Variants in KMT2E observed in about 807,000 individuals in gnomAD.
The protein encoded by KMT2E is histone reader KMT2E.
A neutral mutation model predicts 184.6 loss-of-function variants in KMT2E; 30 were observed. The ratio of observed to expected loss-of-function variants is 0.16; its 90% CI spans 0.12 to 0.22. The LOEUF is 0.22. KMT2E is among the 10% of genes least tolerant of loss of function. KMT2E has a pLI of 1.00. For missense variants in KMT2E, 2,023 were observed against 2,237.4 expected (o/e 0.90, Z 1.93); for synonymous variants, 815 against 776.5 (o/e 1.05, Z -0.82).
intron 12 of KMT2E, among the ~76,000 whole-genome samples, chr7:105,080,276 A>T (rs1797710594): frequency 6.6e-6 from 1 of 152,078 alleles, no homozygotes; most frequent in Admixed American, 6.5e-5. Flanking sequence ...ATTTTTAATA[A>T]TGTTATATTT....
intron 25 of KMT2E, 48 bp from the exon 26 acceptor site, chr7:105,110,723 G>A: frequency 6.3e-7 from 1 of 1,585,628 alleles, no homozygotes; most frequent in South Asian, 1.1e-5. Context: ...TTAAAACAGT[G>A]TTTATTGTGT....
At chr7:105,087,645 A>G (rs957680785) in intron 13 of KMT2E, among the ~76,000 whole-genome samples, 31 of 151,852 alleles carry the variant, frequency 2.0e-4, no homozygotes, top group African/African-American at 7.5e-4. Context: ...GCTGGTCTCC[A>G]ACTCCCGAGC....
intron 15 of KMT2E, among the ~76,000 whole-genome samples, chr7:105,091,883 T>G (rs1400655201): frequency 6.6e-6 from 1 of 152,234 alleles, no homozygotes. Context: ...CAAATTATGG[T>G]AATTTAGCAT....
chr7:105,082,826 G>A (rs1797811632), intron 13 of KMT2E, among the ~76,000 whole-genome samples: 1 of 152,134 alleles, frequency 6.6e-6, no homozygotes, highest in South Asian at 2.1e-4. Context: ...TCATAAAAAA[G>A]TAAAAAATCA....
intron 3 of KMT2E, among the ~76,000 whole-genome samples, chr7:105,055,347 C>T (rs1796536513): frequency 6.6e-6 from 1 of 150,898 alleles, no homozygotes; most frequent in Non-Finnish European, 1.5e-5. Flanking sequence ...AGCTGTTGTG[C>T]CTGGCCCTCT....
At chr7:105,069,178 T>C (rs1797179396) in intron 6 of KMT2E, among the ~76,000 whole-genome samples, 1 of 152,232 alleles carries the variant, frequency 6.6e-6, no homozygotes, top group Non-Finnish European at 1.5e-5. Context: ...GATTGGTCAC[T>C]GTTCCTAGTC....
At chr7:105,106,081 A>G in intron 19 of KMT2E, 78 bp downstream of exon 19, 1 of 1,323,472 alleles carries the variant, frequency 7.6e-7, no homozygotes, top group Admixed American at 2.2e-5. Flanking sequence ...GCATATTTCT[A>G]GTTACTGGTA....
At chr7:105,069,447 A>G (rs1797189540) in intron 6 of KMT2E, among the ~76,000 whole-genome samples, 2 of 152,224 alleles carry the variant, frequency 1.3e-5, no homozygotes, top group African/African-American at 4.8e-5. Flanking sequence ...AGCACCAACA[A>G]TATGATTGTG....
At position 105,063,446 on chromosome 7, in the gene KMT2E, T is replaced by C; in HGVS notation, c.282T>C (p.Thr94=). Residue 94 remains threonine, a synonymous_variant, in exon 5 of 27, where the codon ACT becomes ACC. Coordinates refer to ENST00000311117, the MANE Select transcript of KMT2E (RefSeq NM_182931.3). ...AAAATGAAGTAGGCATATTTACCACTCCTAATTTTGATGAAACTTCCAGTG... is the reference window on the plus strand; with the variant it reads ...AAAATGAAGTAGGCATATTTACCACCCCTAATTTTGATGAAACTTCCAGTG... The part of the protein sequence containing the change: ...ISKNEVGIFT[T]PNFDETSSAT... The C allele has an allele frequency of 6.2e-7, 1 of 1,613,844 alleles. No individual in the cohort carries two copies. The highest frequency in any genetic ancestry group is 8.5e-7 in the Non-Finnish European group (1 of 1,179,798).
rs1377466541 is a variant in KMT2E, at chr7:105,112,676, T to C, written c.4920T>C (p.Leu1640=). ...PPPPPAPGPH[L]VQQPNSHQQH... ...CACCACCTGCTCCAGGACCGCACCT[T>C]GTACAACAGCCGAATTCCCATCAGC... is the stretch of plus-strand genomic sequence containing the variant. Residue 1640 remains leucine, a synonymous_variant, in exon 27 of 27, where the codon CTT becomes CTC. Transcript: ENST00000311117. 1 of 1,613,840 alleles carries C rather than the reference T, an allele frequency of 6.2e-7. No individual in the cohort carries two copies. Among genetic ancestry groups the C allele is most frequent in the South Asian group, 1.1e-5 (1 of 91,048 alleles).
At position 105,100,065 on chromosome 7, in the gene KMT2E, T is replaced by C. The variant is rs114229597; in HGVS notation, c.1723-1360T>C. On this transcript the variant is annotated intron_variant, in intron 15 of 26. Transcript: ENST00000311117. ...AAGTAGAACCATCTTTTGCATGTGC[T>C]ATTGTAGTGTTTGCCCGTCCCAGAC... 2.1e-3 allele frequency among the ~76,000 whole-genome samples: 323 copies of C among 152,328 alleles called. 1 individual carries two copies. Among genetic ancestry groups the C allele is most frequent in the African/African-American group, 7.5e-3 (310 of 41,576 alleles).
intron 1 of KMT2E, among the ~76,000 whole-genome samples, chr7:105,022,815 T>C (rs1795009960): frequency 6.6e-6 from 1 of 152,214 alleles, no homozygotes; most frequent in Non-Finnish European, 1.5e-5. Context: ...AACTGATTTG[T>C]TTCTGGATAG....
Position 105,063,654 on chromosome 7 carries a change from A to G in KMT2E, c.416+74A>G, listed in dbSNP as rs536449814. ...TTTGGTAATGTTGGAAAAGATAACT[A>G]AAGTCACTTTCAAGGGAATTAATGG... On this transcript the variant is annotated intron_variant, in intron 5 of 26. Coordinates refer to ENST00000311117, the MANE Select transcript of KMT2E (RefSeq NM_182931.3). The G allele has an allele frequency of 4.8e-5, 48 of 1,010,510 alleles. No individual in the cohort carries two copies. The African/African-American group carries it at 6.9e-4, about 14-fold the overall frequency. The allele number at this position is 1,010,510 out of a possible 1,614,324, so 62.6% of individuals were successfully genotyped here.
At chr7:105,023,939 A>G (rs1321786320) in intron 1 of KMT2E, among the ~76,000 whole-genome samples, 1 of 152,182 alleles carries the variant, frequency 6.6e-6, no homozygotes, top group Non-Finnish European at 1.5e-5. Context: ...CTTTGTAGTT[A>G]AAGAAATATA....
intron 15 of KMT2E, among the ~76,000 whole-genome samples, chr7:105,097,338 T>TAAG (rs531309773): frequency 1.5e-3 from 224 of 152,308 alleles, no homozygotes; most frequent in African/African-American, 5.1e-3. Flanking sequence ...TTTCTAAAGA[T>TAAG]AAGTAATTAA....
rs1584806313 is a variant in KMT2E, at chr7:105,107,959, AG to A, written c.3468+35del. 37 of 1,283,464 alleles carry A rather than the reference AG, an allele frequency of 2.9e-5. No individual in the cohort carries two copies. In the East Asian group the frequency reaches 3.8e-4, roughly 13 times the overall value. 79.5% of individuals were successfully genotyped at this position (1,283,464 alleles called of 1,614,324 possible). A position where few individuals can be genotyped will look rare whatever the true frequency, so the allele number is the denominator to read the frequency against. On this transcript the variant is annotated intron_variant, in intron 22 of 26. Transcript: ENST00000311117. ...TTTAACAATTTATAGTCCTTTTAAT[AG>A]TTTTTTTTTTTTTTTCATAATACTA...
At chr7:105,031,182 C>G (rs1382457152) in intron 1 of KMT2E, among the ~76,000 whole-genome samples, 1 of 150,390 alleles carries the variant, frequency 6.6e-6, no homozygotes, top group Admixed American at 6.6e-5. Flanking sequence ...CATGGTGAAA[C>G]CCTGTCTCTA....
chr7:105,064,192 T>G (rs1363534692), intron 5 of KMT2E: 2 of 291,978 alleles, frequency 6.8e-6, no homozygotes, highest in Non-Finnish European at 1.3e-5. Context: ...TTTTTTTTTT[T>G]GACTGGGGGG....
At chr7:105,059,975 GTTGTTTTTTTTTT>G (rs1562898157) in intron 3 of KMT2E, among the ~76,000 whole-genome samples, 5 of 45,612 alleles carry the variant, frequency 1.1e-4, no homozygotes, top group African/African-American at 1.2e-4. Flanking sequence ...TTTTCTTGTT[GTTGTTTTTTTTTT>G]TTTTTTTTTT....
Sources: allele counts gnomAD v4.1 joint callset (sites outside exome capture counted in the v4.1 genomes callset), GRCh38; gene constraint gnomAD v4.1.1; transcripts MANE v1.5; gene names NCBI Gene and HGNC (gene_info 2026-07-23, HGNC 2026-07-21).